The following FTCD variants were observed in gnomAD, a reference collection of about 807,000 sequenced individuals.
FTCD encodes the protein formimidoyltransferase cyclodeaminase, also known as formimidoyltransferase-cyclodeaminase.
In FTCD, 76 loss-of-function variants were observed where a neutral mutation model predicts 62.9. The observed-to-expected ratio is 1.21, with a 90% CI of 1.00 to 1.46. The LOEUF (loss-of-function observed/expected upper bound fraction) is 1.46. Among genes scored for constraint, FTCD ranks in the 40% most tolerant of loss-of-function variants. FTCD has a pLI of 0.00. For synonymous variants in FTCD, 397 were observed against 336.9 expected, an observed-to-expected ratio of 1.18 and a Z score of -1.95; for missense variants, 845 against 751.3, an observed-to-expected ratio of 1.12 and a Z score of -1.46.
chr21:46,145,696 C>T (rs2079124447), intron 9 of FTCD, 118 bp from the exon 10 acceptor site: 3 of 769,856 alleles, frequency 3.9e-6, no homozygotes, highest in Non-Finnish European at 5.9e-6. Flanking sequence ...GCCCCCACGT[C>T]TCCACCCAGG....
chr21:46,154,879 T>C (rs1374539875), intron 1 of FTCD, among the ~76,000 whole-genome samples: 1 of 152,198 alleles, frequency 6.6e-6, no homozygotes, highest in African/African-American at 2.4e-5. Flanking sequence ...TGTGGCCTGG[T>C]GCTGCGCTCT....
chr21:46,141,917 C>T (rs2079017164), intron 10 of FTCD, among the ~76,000 whole-genome samples: 1 of 152,096 alleles, frequency 6.6e-6, no homozygotes, highest in Non-Finnish European at 1.5e-5. Flanking sequence ...GCCCTGGGCC[C>T]CCCCGGGGAG....
At chr21:46,149,961 C>T (rs1341300393) in intron 7 of FTCD, among the ~76,000 whole-genome samples, 158 bp downstream of exon 7, 1 of 151,708 alleles carries the variant, frequency 6.6e-6, no homozygotes, top group Admixed American at 6.6e-5. Context: ...ATAAGGTGTC[C>T]AAAATAAAAA....
At chr21:46,149,417 G>A (rs1349004104) in intron 7 of FTCD, among the ~76,000 whole-genome samples, 1 of 152,154 alleles carries the variant, frequency 6.6e-6, no homozygotes, top group East Asian at 1.9e-4. Context: ...AAACAAGGAC[G>A]GAATCCACAA....
intron 10 of FTCD, among the ~76,000 whole-genome samples, chr21:46,140,433 C>T (rs2078973442): frequency 6.8e-6 from 1 of 146,470 alleles, no homozygotes; most frequent in Non-Finnish European, 1.5e-5. Context: ...TCGCGTGGCT[C>T]ACAGGGAGTG....
At chr21:46,145,352 T>G (rs913981109) in intron 10 of FTCD, 65 bp downstream of exon 10, 1 of 1,379,696 alleles carries the variant, frequency 7.2e-7, no homozygotes, top group African/African-American at 1.4e-5. Context: ...CGCTTCTCAC[T>G]GGGGCCCCAG....
intron 3 of FTCD, chr21:46,152,338 A>G (rs556549038): frequency 1.2e-5 from 3 of 246,578 alleles, no homozygotes; most frequent in East Asian, 8.3e-5. Context: ...AAGAGGAAAA[A>G]CTCGTGAACC....
In FTCD at chr21:46,150,129, C is replaced by G. The variant is rs119469015; in HGVS notation, c.896G>C (p.Arg299Pro). ...GGCAGCCCGGCCCACCAGCCTGATC[C>G]GCTGCTCCTCCTCCAGGATGAAGAG... The part of the protein sequence containing the change: ...ENLFILEEEQ[R>P]IRLVVSRLGL... The change falls in exon 7 of 14, where the codon CGG (arginine) becomes CCG (proline). Residue 299 changes from arginine (R) to proline (P), a missense_variant. Transcript: ENST00000397746. 20 of 1,611,020 alleles carry G rather than the reference C, an allele frequency of 1.2e-5. No homozygotes were observed. Among genetic ancestry groups the G allele is most frequent in the Non-Finnish European group, 1.5e-5 (18 of 1,179,426 alleles).
intron 13 of FTCD, 35 bp downstream of exon 13, chr21:46,137,204 G>A (rs78520472): frequency 0.051 from 81,190 of 1,578,760 alleles, 2,562 homozygotes; most frequent in Non-Finnish European, 0.063. Context: ...AGGCCCCCAC[G>A]TGGGGTCCGG....
chr21:46,136,370 G>C, downstream of FTCD: 1 of 1,467,526 alleles, frequency 6.8e-7, no homozygotes, highest in Non-Finnish European at 9.5e-7. Context: ...CTGGTTGAAG[G>C]GTGGACGGGA....
At chr21:46,154,071 C>G (rs1426381816) in intron 2 of FTCD, 78 bp downstream of exon 2, 1 of 1,489,278 alleles carries the variant, frequency 6.7e-7, no homozygotes. Context: ...GGCCTACCCC[C>G]TCTCCCAGGA....
At chr21:46,141,921 C>CG (rs1568965826) in intron 10 of FTCD, among the ~76,000 whole-genome samples, 14 of 152,074 alleles carry the variant, frequency 9.2e-5, no homozygotes, top group Non-Finnish European at 1.5e-5. Context: ...TGGGCCCCCC[C>CG]GGGGAGGGGG....
chr21:46,152,004 G>C, intron 3 of FTCD, 24 bp from the exon 4 acceptor site: 4 of 1,520,174 alleles, frequency 2.6e-6, no homozygotes, highest in Non-Finnish European at 3.6e-6. Flanking sequence ...CGGCGGTCAG[G>C]CCTGGACCGG....
chr21:46,153,944 G>A (rs961905629), intron 2 of FTCD, among the ~76,000 whole-genome samples: 2 of 152,118 alleles, frequency 1.3e-5, no homozygotes, highest in Non-Finnish European at 2.9e-5. Context: ...CGACCTGGGG[G>A]TCCCCCAGAG....
intron 10 of FTCD, among the ~76,000 whole-genome samples, chr21:46,144,936 C>T (rs896055988): frequency 4.6e-5 from 7 of 151,580 alleles, no homozygotes; most frequent in African/African-American, 1.7e-4. Flanking sequence ...GGGTCACTGC[C>T]TGCCTGAGTG....
chr21:46,143,065 C>G (rs2079056632), intron 10 of FTCD, among the ~76,000 whole-genome samples: 1 of 152,154 alleles, frequency 6.6e-6, no homozygotes, highest in Admixed American at 6.5e-5. Flanking sequence ...AGAACGGGAC[C>G]CTCAGGCGAC....
At position 46,155,571 on chromosome 21, in the gene FTCD, A is replaced by G. The variant is rs1282277844; in HGVS notation, c.-48T>C. The G allele has an allele frequency of 1.3e-6, 2 of 1,543,232 alleles. No homozygotes were observed. Among genetic ancestry groups the G allele is most frequent in the Admixed American group, 1.7e-5 (1 of 59,946 alleles). On this transcript the variant is annotated 5_prime_UTR_variant, in exon 1 of 14. Transcript: ENST00000397746. ...CTCCTCTCTGGGCAGATGGAAGGAC[A>G]GGGCCAGTGCTCCGCAGCCGCCGCC...
downstream of FTCD, chr21:46,136,526 C>T (rs758106873): frequency 9.3e-6 from 15 of 1,610,698 alleles, no homozygotes; most frequent in African/African-American, 1.3e-5. Context: ...GGCCCCTTTC[C>T]CTCAGACAAG....
rs2123563980 is a variant in FTCD at position 46,151,588 on chromosome 21, G to A, written c.606C>T (p.Asn202=). Residue 202 remains asparagine, a synonymous_variant, in exon 5 of 14, where the codon AAC becomes AAT. Coordinates refer to ENST00000397746, the MANE Select transcript of FTCD (RefSeq NM_206965.2). ...TKEQAHRIAL[N]LREQGRGKDQ... is the part of the protein sequence containing the mutation. ...CCTTCCCGCGGCCCTGCTCCCGCAG[G>A]TTGAGCGCGATGCGGTGGGCTTGCT... 6.2e-7 allele frequency: 1 copy of A among 1,612,946 alleles called. No individual in the cohort carries two copies. The highest frequency in any genetic ancestry group is 2.2e-5 in the East Asian group (1 of 44,874).
Sources: gnomAD v4.1 joint callset for allele counts (sites outside exome capture counted in the v4.1 genomes callset) on GRCh38, gnomAD v4.1.1 for gene constraint, MANE v1.5 for transcripts, NCBI Gene and HGNC (gene_info 2026-07-23, HGNC 2026-07-21) for gene names.